FARP2: variants seen among roughly 807,000 people sequenced by gnomAD.
The protein encoded by FARP2 is FERM, ARHGEF and pleckstrin domain-containing protein 2.
In FARP2, 111 loss-of-function variants were observed where a neutral mutation model predicts 130.5. The observed-to-expected ratio is 0.85, with a 90% confidence interval of 0.73 to 1.00. The LOEUF (loss-of-function observed/expected upper bound fraction) is 1.00. Among genes scored for constraint, FARP2 ranks in the 50% least tolerant of loss-of-function variants. The pLI is 0.00. For synonymous variants in FARP2, 504 were observed against 516.9 expected (o/e 0.98, Z 0.34); for missense variants, 1,385 against 1,346.3 (o/e 1.03, Z -0.45).
intron 7 of FARP2, among the ~76,000 whole-genome samples, chr2:241,414,691 C>T (rs916110716): frequency 3.9e-5 from 6 of 152,114 alleles, no homozygotes; most frequent in African/African-American, 1.4e-4. Context: ...TTTTGTGTGC[C>T]CGACAGCATG....
At chr2:241,472,681 G>C (rs1469775887) in intron 18 of FARP2, among the ~76,000 whole-genome samples, 1 of 151,794 alleles carries the variant, frequency 6.6e-6, no homozygotes, top group Non-Finnish European at 1.5e-5. Context: ...AGGGGACTCT[G>C]TTCTGAGGGG....
intron 18 of FARP2, among the ~76,000 whole-genome samples, chr2:241,473,554 C>T (rs1211939390): frequency 1.3e-5 from 2 of 152,198 alleles, no homozygotes; most frequent in Admixed American, 6.5e-5. Context: ...GCTGCCAGTC[C>T]CTACCGAGGT....
chr2:241,483,696 A>C (rs1293541357), intron 20 of FARP2, 163 bp downstream of exon 20: 1 of 757,790 alleles, frequency 1.3e-6, no homozygotes, highest in African/African-American at 1.9e-5. Context: ...GGGCCAGGGG[A>C]GGGTCACAGA....
At chr2:241,366,110 T>TATATATACGTAC (rs57640410) in intron 1 of FARP2, among the ~76,000 whole-genome samples, 2 of 55,588 alleles carry the variant, frequency 3.6e-5, no homozygotes, top group East Asian at 9.8e-4. Context: ...AAAAAATATA[T>TATATATACGTAC]ATATATATAT....
intron 26 of FARP2, chr2:241,493,779 T>C: frequency 4.2e-6 from 2 of 479,794 alleles, no homozygotes; most frequent in Non-Finnish European, 7.4e-6. Context: ...GTATTTTTAG[T>C]AGAGACAGGG....
At chr2:241,379,734 T>C (rs1330980266) in intron 2 of FARP2, among the ~76,000 whole-genome samples, 2 of 152,232 alleles carry the variant, frequency 1.3e-5, no homozygotes, top group Non-Finnish European at 2.9e-5. Context: ...TTAGAACTTA[T>C]TTTGGTCTGA....
chr2:241,461,769 C>G (rs1574873236), intron 14 of FARP2, among the ~76,000 whole-genome samples: 1 of 152,326 alleles, frequency 6.6e-6, no homozygotes, highest in Non-Finnish European at 1.5e-5. Flanking sequence ...CAGGGCAGAG[C>G]AGGATCATGG....
chr2:241,393,497 A>G (rs1043412337), intron 2 of FARP2, among the ~76,000 whole-genome samples: 1 of 152,184 alleles, frequency 6.6e-6, no homozygotes, highest in Non-Finnish European at 1.5e-5. Context: ...GATTATTTTC[A>G]TTGTACAGTA....
In FARP2 at chr2:241,394,387, G is replaced by A. The variant is rs184114021; in HGVS notation, c.184-9441G>A. Among the ~76,000 whole-genome samples the A allele has an allele frequency of 3.3e-5, 5 of 152,078 alleles. No individual in the cohort carries two copies. In the East Asian group the frequency reaches 5.8e-4, roughly 18 times the overall value. On this transcript the variant is annotated intron_variant, in intron 2 of 26. Coordinates refer to ENST00000264042, the MANE Select transcript of FARP2 (RefSeq NM_014808.4). ...CAAAAAAATAGCTGGGCGTGATGGC[G>A]GGCACCTGTAGTCCCAGCTACTCAG...
chr2:241,440,707 C>T (rs920294669), intron 12 of FARP2, among the ~76,000 whole-genome samples: 1 of 152,156 alleles, frequency 6.6e-6, no homozygotes, highest in Non-Finnish European at 1.5e-5. Flanking sequence ...TTGTTACTCA[C>T]CTGTCAGTAC....
intron 12 of FARP2, 39 bp downstream of exon 12, chr2:241,436,577 TC>T: frequency 6.5e-7 from 1 of 1,536,308 alleles, no homozygotes; most frequent in Admixed American, 1.7e-5. Flanking sequence ...CAGTAGGAGT[TC>T]CCTGTACTCT....
chr2:241,481,977 A>G (rs184564043), intron 19 of FARP2, among the ~76,000 whole-genome samples: 2 of 152,358 alleles, frequency 1.3e-5, no homozygotes, highest in African/African-American at 4.8e-5. Context: ...ATTTGTTATT[A>G]TTAGTCAAAA....
At chr2:241,420,813 C>G (rs2062787292) in intron 8 of FARP2, among the ~76,000 whole-genome samples, 1 of 152,178 alleles carries the variant, frequency 6.6e-6, no homozygotes, top group African/African-American at 2.4e-5. Flanking sequence ...ACAATTTCAT[C>G]TCCATCATCC....
chr2:241,363,726 A>G (rs1422785327), intron 1 of FARP2, among the ~76,000 whole-genome samples: 1 of 152,224 alleles, frequency 6.6e-6, no homozygotes, highest in Non-Finnish European at 1.5e-5. Context: ...CACTGATACC[A>G]TGTTCTACAG....
intron 4 of FARP2, among the ~76,000 whole-genome samples, chr2:241,406,122 T>A (rs1300693681): frequency 6.6e-6 from 1 of 151,418 alleles, no homozygotes; most frequent in African/African-American, 2.4e-5. Context: ...GCTAACATGG[T>A]GAAACTCCGC....
chr2:241,403,564 A>G (rs1466610110), intron 2 of FARP2, among the ~76,000 whole-genome samples: 3 of 152,228 alleles, frequency 2.0e-5, no homozygotes, highest in Non-Finnish European at 4.4e-5. Context: ...AATGGTTTCT[A>G]TAGCTTAAAG....
At chr2:241,490,116 C>CT (rs1574916420) in intron 22 of FARP2, 72 bp downstream of exon 22, 1 of 1,050,100 alleles carries the variant, frequency 9.5e-7, no homozygotes, top group South Asian at 1.3e-5. Flanking sequence ...CCATGAGCCT[C>CT]TGAGTCCTCT....
At chr2:241,472,363 A>G (rs557973946) in intron 18 of FARP2, among the ~76,000 whole-genome samples, 2 of 131,522 alleles carry the variant, frequency 1.5e-5, no homozygotes, top group African/African-American at 2.9e-5. Context: ...GGATTCTGTT[A>G]TGTGGGGGAT....
At chr2:241,462,834 C>T (rs937757470) in intron 15 of FARP2, among the ~76,000 whole-genome samples, 7 of 152,058 alleles carry the variant, frequency 4.6e-5, no homozygotes, top group Non-Finnish European at 2.9e-5. Flanking sequence ...GGATTACAGG[C>T]GCCCACCACC....
Sources: gnomAD v4.1 joint callset for allele counts (sites outside exome capture counted in the v4.1 genomes callset) on GRCh38, gnomAD v4.1.1 for gene constraint, MANE v1.5 for transcripts, NCBI Gene and HGNC (gene_info 2026-07-23, HGNC 2026-07-21) for gene names.